Variants in FAM241A observed in about 807,000 individuals in gnomAD.
FAM241A encodes the protein uncharacterized protein FAM241A.
Under a neutral mutation model 12.2 loss-of-function variants are expected in FAM241A, and 7 were observed. The observed-to-expected ratio is 0.58, with a 90% CI of 0.33 to 1.08. The LOEUF is 1.08. FAM241A is among the 50% of genes least tolerant of loss of function. The pLI, the probability that FAM241A is intolerant of heterozygous loss-of-function variation, is 0.04. For missense variants in FAM241A, 161 were observed against 169.7 expected, an observed-to-expected ratio of 0.95 and a Z score of 0.29; for synonymous variants, 74 against 68.2, an observed-to-expected ratio of 1.08 and a Z score of -0.42.
Position 112,186,728 on chromosome 4 carries a change from G to C in FAM241A, c.189G>C (p.Pro63=), listed in dbSNP as rs747936613. Residue 63 remains proline (P), a synonymous_variant, in exon 2 of 2, where the codon CCG becomes CCC. Transcript: ENST00000309733. ...VEDSQNHTGE[P]VGDDYKKMGT... ...ACTCACAGAACCACACTGGTGAGCC[G>C]GTTGGAGATGACTACAAGAAAATGG... The C allele has an allele frequency of 1.2e-6, 2 of 1,612,996 alleles. No homozygotes were observed. Among genetic ancestry groups the C allele is most frequent in the Non-Finnish European group, 8.5e-7 (1 of 1,179,672 alleles).
intron 1 of FAM241A, 38 bp downstream of exon 1, chr4:112,145,771 CG>C: frequency 2.4e-6 from 2 of 819,432 alleles, no homozygotes; most frequent in Non-Finnish European, 1.5e-6. Flanking sequence ...GCGGCCGGGT[CG>C]GGGGCCGCGA....
intron 1 of FAM241A, chr4:112,171,101 T>A: frequency 2.7e-6 from 1 of 370,274 alleles, no homozygotes; most frequent in South Asian, 2.4e-5. Flanking sequence ...GTGAGCCAGA[T>A]GTGTGTATAA....
chr4:112,168,767 C>T (rs924125798), intron 1 of FAM241A, among the ~76,000 whole-genome samples: 1 of 152,100 alleles, frequency 6.6e-6, no homozygotes, highest in Non-Finnish European at 1.5e-5. Context: ...CGGATTCAAG[C>T]GATTCTCCCA....
intron 1 of FAM241A, among the ~76,000 whole-genome samples, chr4:112,161,433 AAAAG>A (rs1723466561): frequency 6.6e-6 from 1 of 152,192 alleles, no homozygotes; most frequent in Non-Finnish European, 1.5e-5. Context: ...TAAAGAAGGA[AAAAG>A]AGAAGAATCA....
At chr4:112,150,772 C>T (rs1723231601) in intron 1 of FAM241A, among the ~76,000 whole-genome samples, 1 of 152,202 alleles carries the variant, frequency 6.6e-6, no homozygotes, top group African/African-American at 2.4e-5. Flanking sequence ...AGTAACTAAC[C>T]TCTCTGGGCT....
In FAM241A at chr4:112,186,788, C is replaced by A; in HGVS notation, c.249C>A (p.Ile83=). The A allele has an allele frequency of 6.2e-7, 1 of 1,613,560 alleles. No homozygotes were observed. The highest frequency in any genetic ancestry group is 8.5e-7 in the Non-Finnish European group (1 of 1,179,878). Residue 83 remains isoleucine, a synonymous_variant, in exon 2 of 2, where the codon ATC becomes ATA. Transcript: ENST00000309733. ...TTGGTGAACTGAACAAAAACCTTATCAACATGGGCTTCACAAGGATGTATT... is the reference window on the plus strand; with the variant it reads ...TTGGTGAACTGAACAAAAACCTTATAAACATGGGCTTCACAAGGATGTATT... ...TLFGELNKNL[I]NMGFTRMYFG... is the part of the protein sequence containing the mutation.
chr4:112,168,952 A>T (rs564581844), intron 1 of FAM241A, among the ~76,000 whole-genome samples: 1 of 152,334 alleles, frequency 6.6e-6, no homozygotes, highest in East Asian at 1.9e-4. Flanking sequence ...GGCGTGAGCC[A>T]TGGCACCTAG....
chr4:112,189,084 T>C lies in FAM241A; in HGVS notation c.*2146T>C, dbSNP rs967641206. The stretch of plus-strand genomic sequence containing the variant: ...TAAAACTGGTAATTTATTTGGTTCA[T>C]GGTATAAAGAATTAGATTGGGCCGG... On this transcript the variant is annotated 3_prime_UTR_variant, in exon 2 of 2. Coordinates refer to ENST00000309733, the MANE Select transcript of FAM241A (RefSeq NM_152400.3). 6.6e-6 allele frequency: 1 copy of C among 152,090 alleles called. No homozygotes were observed. Among genetic ancestry groups the C allele is most frequent in the African/African-American group, 2.4e-5 (1 of 41,416 alleles). The allele number at this position is 152,090 out of a possible 1,614,324, so 9.4% of individuals were successfully genotyped here.
Position 112,145,474 on chromosome 4 carries a change from C to A in FAM241A, c.-107C>A. On this transcript the variant is annotated 5_prime_UTR_variant, in exon 1 of 2. Transcript: ENST00000309733. Reference sequence around the variant, plus strand: ...GGCGCGCTCCGGCGGCTCCTGTCAGCGGCGGGTGCGGCGGATCCCAGGGCA... The same window carrying A: ...GGCGCGCTCCGGCGGCTCCTGTCAGAGGCGGGTGCGGCGGATCCCAGGGCA... 9.1e-7 allele frequency: 1 copy of A among 1,102,130 alleles called. No homozygotes were observed. Among genetic ancestry groups the A allele is most frequent in the Non-Finnish European group, 1.1e-6 (1 of 881,490 alleles). 68.3% of individuals were successfully genotyped at this position (1,102,130 alleles called of 1,614,324 possible).
At chr4:112,167,819 G>A (rs1723629546) in intron 1 of FAM241A, among the ~76,000 whole-genome samples, 1 of 152,182 alleles carries the variant, frequency 6.6e-6, no homozygotes, top group Non-Finnish European at 1.5e-5. Context: ...AATTGACTAA[G>A]TAATTTATTT....
chr4:112,156,371 A>G (rs1267807665), intron 1 of FAM241A, among the ~76,000 whole-genome samples: 1 of 152,048 alleles, frequency 6.6e-6, no homozygotes, highest in Non-Finnish European at 1.5e-5. Context: ...ATAATCCTCT[A>G]TTCCACTAGC....
Position 112,160,213 on chromosome 4 carries a change from T to A in FAM241A, c.153+14480T>A, listed in dbSNP as rs796410847. Among the ~76,000 whole-genome samples the A allele has an allele frequency of 4.6e-5, 7 of 151,934 alleles. 1 individual carries two copies. The highest frequency in any genetic ancestry group is 1.7e-4 in the African/African-American group (7 of 41,442). On this transcript the variant is annotated intron_variant, in intron 1 of 1. Coordinates refer to ENST00000309733, the MANE Select transcript of FAM241A (RefSeq NM_152400.3). The stretch of plus-strand genomic sequence containing the variant: ...CTTGAGGTCAGGAGTTCAAGACCAG[T>A]CTGGCCAACATGATGAAACCCCATC...
At chr4:112,151,203 A>G (rs149376139) in intron 1 of FAM241A, among the ~76,000 whole-genome samples, 1 of 152,174 alleles carries the variant, frequency 6.6e-6, no homozygotes, top group Non-Finnish European at 1.5e-5. Context: ...CTTAGTTCAC[A>G]CAAGATCTGG....
intron 1 of FAM241A, among the ~76,000 whole-genome samples, chr4:112,184,346 A>G (rs1723999258): frequency 6.6e-6 from 1 of 152,200 alleles, no homozygotes; most frequent in African/African-American, 2.4e-5. Flanking sequence ...TCTGACCAAC[A>G]TGGTGAAACC....
rs1723116127 is a variant in FAM241A at position 112,145,573 on chromosome 4, G to A, written c.-8G>A. The A allele has an allele frequency of 1.6e-6, 2 of 1,248,208 alleles. No individual in the cohort carries two copies. The highest frequency in any genetic ancestry group is 7.4e-5 in the South Asian group (2 of 26,980). The allele number at this position is 1,248,208 out of a possible 1,614,324, so 77.3% of individuals were successfully genotyped here. On this transcript the variant is annotated 5_prime_UTR_variant, in exon 1 of 2. Transcript: ENST00000309733. ...CGGCTGTCCGGGGCGGTAGGAGTTG[G>A]CTGCGGGATGTGCTCAGCCGGGGAG...
intron 1 of FAM241A, among the ~76,000 whole-genome samples, chr4:112,147,627 G>GA: frequency 6.6e-6 from 1 of 152,136 alleles, no homozygotes; most frequent in Non-Finnish European, 1.5e-5. Flanking sequence ...ATTTGAGGAA[G>GA]AAATGAAATT....
chr4:112,154,264 A>T (rs1041402603), intron 1 of FAM241A, among the ~76,000 whole-genome samples: 7 of 151,992 alleles, frequency 4.6e-5, no homozygotes, highest in African/African-American at 1.7e-4. Flanking sequence ...ATTTTTTAAA[A>T]TTTATTTCTT....
chr4:112,154,959 A>G (rs893791810), intron 1 of FAM241A, among the ~76,000 whole-genome samples: 2 of 152,050 alleles, frequency 1.3e-5, no homozygotes, highest in African/African-American at 4.8e-5. Flanking sequence ...GCTTGAACCC[A>G]GGAGGCAGAG....
intron 1 of FAM241A, among the ~76,000 whole-genome samples, chr4:112,181,689 G>A (rs1723946732): frequency 6.6e-6 from 1 of 152,158 alleles, no homozygotes; most frequent in Non-Finnish European, 1.5e-5. Flanking sequence ...AAGGAGAGAG[G>A]AAATAGTTTT....
Sources: allele counts gnomAD v4.1 joint callset (sites outside exome capture counted in the v4.1 genomes callset), GRCh38; gene constraint gnomAD v4.1.1; transcripts MANE v1.5; gene names NCBI Gene and HGNC (gene_info 2026-07-23, HGNC 2026-07-21).